The following DRC8 variants were observed in gnomAD, a reference collection of about 807,000 sequenced individuals.
The protein encoded by DRC8 is dynein regulatory complex subunit 8, also known as dynein regulatory complex protein 8.
the DRC8 span, chr1:245,059,476 G>C: frequency 6.2e-7 from 1 of 1,601,622 alleles, no homozygotes; most frequent in Non-Finnish European, 8.5e-7. Flanking sequence ...CGGCGAAAAG[G>C]TTTCATTCAG....
the DRC8 span, among the ~76,000 whole-genome samples, chr1:245,105,766 CT>C: frequency 1.3e-5 from 2 of 152,170 alleles, no homozygotes; most frequent in South Asian, 4.1e-4. Context: ...CAAAATATTT[CT>C]TGATTTCTCT....
At chr1:244,983,977 C>G in the DRC8 span, among the ~76,000 whole-genome samples, 1 of 151,818 alleles carries the variant, frequency 6.6e-6, no homozygotes, top group Non-Finnish European at 1.5e-5. Flanking sequence ...TCTGGAGAGA[C>G]AGGGTTTCTC....
At chr1:245,050,902 G>C in the DRC8 span, among the ~76,000 whole-genome samples, 1 of 152,028 alleles carries the variant, frequency 6.6e-6, no homozygotes, top group African/African-American at 2.4e-5. Context: ...CTTTGAGACA[G>C]GGTTTCACTC....
the DRC8 span, among the ~76,000 whole-genome samples, chr1:245,005,578 A>G: frequency 6.6e-6 from 1 of 152,012 alleles, no homozygotes; most frequent in African/African-American, 2.4e-5. Context: ...CCTGGCCTTG[A>G]GTGATCTGCC....
At chr1:245,063,770 G>A in the DRC8 span, among the ~76,000 whole-genome samples, 1 of 152,180 alleles carries the variant, frequency 6.6e-6, no homozygotes, top group African/African-American at 2.4e-5. Context: ...CGCCCGGGCT[G>A]GAGTGCAGTG....
the DRC8 span, among the ~76,000 whole-genome samples, chr1:245,017,725 G>C: frequency 6.6e-6 from 1 of 152,146 alleles, no homozygotes; most frequent in African/African-American, 2.4e-5. Flanking sequence ...CAAGGAAACA[G>C]TAATGCTTAT....
the DRC8 span, among the ~76,000 whole-genome samples, chr1:245,024,784 T>C: frequency 3.3e-5 from 5 of 152,140 alleles, no homozygotes; most frequent in African/African-American, 1.2e-4. Context: ...CCTCAGGTGA[T>C]CCACCCACCT....
At chr1:245,096,870 G>A in the DRC8 span, among the ~76,000 whole-genome samples, 52 of 152,278 alleles carry the variant, frequency 3.4e-4, no homozygotes, top group Middle Eastern at 0.01. Flanking sequence ...GGAAAGTCAC[G>A]TGATGTGTCT....
chr1:245,122,331 A>G, the DRC8 span: 1 of 156,392 alleles, frequency 6.4e-6, no homozygotes, highest in Non-Finnish European at 1.4e-5. Context: ...ACCTTGAACG[A>G]AGGGTGAAGA....
the DRC8 span, among the ~76,000 whole-genome samples, chr1:245,055,447 G>A: frequency 6.6e-6 from 1 of 152,104 alleles, no homozygotes. Context: ...TGTCTCCTGA[G>A]TAGCTGGGAC....
chr1:245,096,542 A>G, the DRC8 span, among the ~76,000 whole-genome samples: 2 of 152,238 alleles, frequency 1.3e-5, no homozygotes, highest in African/African-American at 4.8e-5. Context: ...GAGAGATTTC[A>G]GCCTCATGGG....
chr1:245,084,143 G>A, the DRC8 span, among the ~76,000 whole-genome samples: 2 of 146,830 alleles, frequency 1.4e-5, no homozygotes, highest in Non-Finnish European at 3.0e-5. Context: ...GTGCAGTGGC[G>A]CGATCTTAGC....
chr1:244,973,369 G>C, the DRC8 span, among the ~76,000 whole-genome samples: 51 of 152,292 alleles, frequency 3.3e-4, 1 homozygote, highest in African/African-American at 8.2e-4. Flanking sequence ...AGTTCCAAAA[G>C]ATCTGGGACC....
the DRC8 span, among the ~76,000 whole-genome samples, chr1:245,112,147 T>G: frequency 1.3e-5 from 2 of 152,268 alleles, no homozygotes; most frequent in African/African-American, 2.4e-5. Flanking sequence ...CAATTTCCGC[T>G]CACTGCAACC....
the DRC8 span, among the ~76,000 whole-genome samples, chr1:244,992,474 C>T: frequency 6.6e-6 from 1 of 152,196 alleles, no homozygotes; most frequent in Admixed American, 6.5e-5. Flanking sequence ...CGCAGTGGCT[C>T]ACTCCTATAA....
At chr1:244,980,931 C>A in the DRC8 span, among the ~76,000 whole-genome samples, 22 of 152,090 alleles carry the variant, frequency 1.4e-4, no homozygotes, top group African/African-American at 5.1e-4. Flanking sequence ...GCCTGTAATC[C>A]CAGCACCTTG....
At chr1:245,120,870 G>A in the DRC8 span, among the ~76,000 whole-genome samples, 1 of 152,222 alleles carries the variant, frequency 6.6e-6, no homozygotes, top group Non-Finnish European at 1.5e-5. Context: ...GTTAGGTTTG[G>A]CCCACTTTGC....
chr1:245,062,752 G>A, the DRC8 span, among the ~76,000 whole-genome samples: 5 of 152,140 alleles, frequency 3.3e-5, no homozygotes, highest in Non-Finnish European at 5.9e-5. Flanking sequence ...GTAGATGTTA[G>A]GCAGCACCTT....
At chr1:245,006,222 GGTGGAATGGGAA>G in the DRC8 span, among the ~76,000 whole-genome samples, 1 of 152,152 alleles carries the variant, frequency 6.6e-6, no homozygotes, top group Non-Finnish European at 1.5e-5. Context: ...TGGTTTGATG[GGTGGAATGGGAA>G]GTGAGAGAAA....
Sources: gnomAD v4.1 joint callset for allele counts (sites outside exome capture counted in the v4.1 genomes callset) on GRCh38, gnomAD v4.1.1 for gene constraint, MANE v1.5 for transcripts, NCBI Gene and HGNC (gene_info 2026-07-23, HGNC 2026-07-21) for gene names.